The following ZNF76 variants were observed in gnomAD, a reference collection of about 807,000 sequenced individuals.
ZNF76 encodes the protein zinc finger protein 76.
ZNF76 carries 66 observed loss-of-function variants against 66.9 expected under a neutral mutation model. The ratio of observed to expected loss-of-function variants is 0.99; its 90% CI spans 0.81 to 1.21. ZNF76 has a LOEUF of 1.21. Among genes scored for constraint, ZNF76 ranks in the 50% most tolerant of loss-of-function variants. The pLI is 0.00. For synonymous variants in ZNF76, 275 were observed against 296.1 expected (o/e 0.93, Z 0.73); for missense variants, 729 against 760.3 (o/e 0.96, Z 0.48).
At chr6:35,269,621 G>C (rs76400146) in intron 1 of ZNF76, among the ~76,000 whole-genome samples, 1 of 152,202 alleles carries the variant, frequency 6.6e-6, no homozygotes, top group Non-Finnish European at 1.5e-5. Flanking sequence ...AAGGAACTGG[G>C]AGCTCTTTGA....
rs1188007797 is a variant in ZNF76, at chr6:35,287,973, G to A, written c.432+128G>A. On this transcript the variant is annotated intron_variant, in intron 5 of 13. Transcript: ENST00000373953. This position sits in a 1 kb window ranked among gnomAD's most constrained non-coding sequence, Gnocchi z 4.0. The stretch of plus-strand genomic sequence containing the variant: ...GGGCAGCCCTGTGCTTGGGCACCAT[G>A]TGGGATATTCCCTTTGCCCCTCCAC... 2 of 1,094,360 alleles carry A rather than the reference G, an allele frequency of 1.8e-6. No homozygotes were observed. Among genetic ancestry groups the A allele is most frequent in the Admixed American group, 2.0e-5 (1 of 50,444 alleles). 67.8% of individuals were successfully genotyped at this position (1,094,360 alleles called of 1,614,324 possible). A position where few individuals can be genotyped will look rare whatever the true frequency, so the allele number is the denominator to read the frequency against.
chr6:35,289,158 G>A (rs751880154), intron 5 of ZNF76, among the ~76,000 whole-genome samples: 11 of 152,008 alleles, frequency 7.2e-5, no homozygotes, highest in Non-Finnish European at 1.0e-4. Context: ...TCCTCTCCTC[G>A]ACCTCAGCTT....
At chr6:35,288,711 C>A (rs547849824) in intron 5 of ZNF76, among the ~76,000 whole-genome samples, 3 of 152,330 alleles carry the variant, frequency 2.0e-5, no homozygotes, top group Non-Finnish European at 4.4e-5. Context: ...AATCCCAGCA[C>A]TTTGGGAGGC....
chr6:35,280,836 G>A (rs979192675), intron 1 of ZNF76, among the ~76,000 whole-genome samples: 1 of 152,142 alleles, frequency 6.6e-6, no homozygotes, highest in Non-Finnish European at 1.5e-5. Context: ...CTTACTTTAT[G>A]ACCAGTTTGA....
chr6:35,285,122 C>G (rs1451134201), intron 2 of ZNF76, among the ~76,000 whole-genome samples: 1 of 152,176 alleles, frequency 6.6e-6, no homozygotes, highest in Non-Finnish European at 1.5e-5. Context: ...ATTTCAAGAG[C>G]CTTATTAGAA....
chr6:35,269,859 G>A (rs1187633868), intron 1 of ZNF76, among the ~76,000 whole-genome samples: 1 of 152,208 alleles, frequency 6.6e-6, no homozygotes, highest in African/African-American at 2.4e-5. Context: ...CTCAGGTCCT[G>A]TATAGACTTG....
chr6:35,278,837 C>T (rs1397970724), intron 1 of ZNF76, among the ~76,000 whole-genome samples: 3 of 152,202 alleles, frequency 2.0e-5, no homozygotes, highest in Non-Finnish European at 4.4e-5. Context: ...ACATGAGGGA[C>T]CCAGGGAGTC....
Position 35,291,752 on chromosome 6 carries a change from A to G in ZNF76, c.931+15A>G. The G allele has an allele frequency of 6.2e-7, 1 of 1,603,090 alleles. No individual in the cohort carries two copies. On this transcript the variant is annotated intron_variant, in intron 9 of 13. Transcript: ENST00000373953. ...CATCCACACAGGTGGGCTAGCTGGC[A>G]TGCGAGGACTACCCTCACTCAGGCC... is the stretch of plus-strand genomic sequence containing the variant.
chr6:35,260,236 C>T (rs1449077887), intron 1 of ZNF76, among the ~76,000 whole-genome samples: 1 of 152,108 alleles, frequency 6.6e-6, no homozygotes, highest in Non-Finnish European at 1.5e-5. Flanking sequence ...ACTCACATGA[C>T]CCTGAGATCC....
rs1013784334 is a variant in ZNF76 at position 35,284,834 on chromosome 6, C to T, written c.74-1294C>T. On this transcript the variant is annotated intron_variant, in intron 2 of 13. Coordinates refer to ENST00000373953, the MANE Select transcript of ZNF76 (RefSeq NM_003427.5). ...CAAGCAATCCTCCCACCTCAGCCTC[C>T]CGAGTAACTGGGACCACAGGCATGC... is the stretch of plus-strand genomic sequence containing the variant. Among the ~76,000 whole-genome samples, 8 of 152,146 alleles carry T rather than the reference C, an allele frequency of 5.3e-5. 1 individual carries two copies. The highest frequency in any genetic ancestry group is 4.6e-4 in the Admixed American group (7 of 15,274).
At chr6:35,291,835 A>C (rs751096685) in intron 9 of ZNF76, 98 bp downstream of exon 9, 38 of 1,437,076 alleles carry the variant, frequency 2.6e-5, no homozygotes, top group Admixed American at 9.7e-5. Flanking sequence ...CCAGCCCAGA[A>C]CCCTTCTGTG....
Position 35,290,678 on chromosome 6 carries a change from G to C in ZNF76, c.587G>C (p.Arg196Thr). 2 of 1,614,258 alleles carry C rather than the reference G, an allele frequency of 1.2e-6. No individual in the cohort carries two copies. Among genetic ancestry groups the C allele is most frequent in the Non-Finnish European group, 1.7e-6 (2 of 1,180,046 alleles). Residue 196 changes from arginine (R) to threonine (T), a missense_variant, in exon 7 of 14, where the codon AGA (arginine) becomes ACA (threonine). Transcript: ENST00000373953. ...ERAHTGDRPYRCDFPSCGKAF... is the reference protein window; with the variant it reads ...ERAHTGDRPYTCDFPSCGKAF... The stretch of plus-strand genomic sequence containing the variant: ...GCTCATACAGGTGACCGTCCATACA[G>C]ATGTGACTTCCCCAGCTGTGGAAAG...
At chr6:35,272,509 G>GTGTGTGTGTA (rs1357691368) in intron 1 of ZNF76, among the ~76,000 whole-genome samples, 37 of 112,368 alleles carry the variant, frequency 3.3e-4, no homozygotes, top group African/African-American at 8.9e-4. Context: ...GTGTGTGTGT[G>GTGTGTGTGTA]TGTATGTATA....
chr6:35,259,730 A>G (rs1784886540), upstream of ZNF76: 1 of 152,550 alleles, frequency 6.6e-6, no homozygotes, highest in Non-Finnish European at 1.5e-5. Context: ...CGCGCGAGGC[A>G]AGCTGCGCGC....
chr6:35,268,998 C>G (rs1194141259), intron 1 of ZNF76, among the ~76,000 whole-genome samples: 1 of 151,780 alleles, frequency 6.6e-6, no homozygotes, highest in Non-Finnish European at 1.5e-5. Context: ...AGTATGAGGC[C>G]AGCCGGGTGT....
intron 1 of ZNF76, among the ~76,000 whole-genome samples, chr6:35,262,146 T>C (rs924602065): frequency 6.6e-6 from 1 of 152,148 alleles, no homozygotes; most frequent in Non-Finnish European, 1.5e-5. Flanking sequence ...CAAATAGTAA[T>C]AAACTGGGAG....
At chr6:35,274,443 T>C (rs1787588325) in intron 1 of ZNF76, among the ~76,000 whole-genome samples, 1 of 152,178 alleles carries the variant, frequency 6.6e-6, no homozygotes. Context: ...TCAACCATGA[T>C]AAAGTGGAAA....
At chr6:35,268,311 G>A (rs576958118) in intron 1 of ZNF76, among the ~76,000 whole-genome samples, 3 of 152,150 alleles carry the variant, frequency 2.0e-5, no homozygotes, top group Non-Finnish European at 4.4e-5. Context: ...GTTTATTCTT[G>A]TGTCATTTAG....
At chr6:35,263,815 G>T (rs1330196035) in intron 1 of ZNF76, among the ~76,000 whole-genome samples, 1 of 152,098 alleles carries the variant, frequency 6.6e-6, no homozygotes, top group Non-Finnish European at 1.5e-5. Flanking sequence ...CAGTGGTGCA[G>T]TCTTGGCTCA....
Sources: gnomAD v4.1 joint callset for allele counts (sites outside exome capture counted in the v4.1 genomes callset) on GRCh38, gnomAD v4.1.1 for gene constraint, Gnocchi (gnomAD v3.1) non-coding constraint, MANE v1.5 for transcripts, NCBI Gene and HGNC (gene_info 2026-07-23, HGNC 2026-07-21) for gene names.